The following CCDC93 variants were observed in gnomAD, a reference collection of about 807,000 sequenced individuals.
The protein encoded by CCDC93 is CCC complex scaffolding subunit CCDC93.
A neutral mutation model predicts 108.2 loss-of-function variants in CCDC93; 61 were observed. The observed-to-expected ratio is 0.56, with a 90% CI of 0.46 to 0.70. CCDC93 has a LOEUF of 0.70. Among genes scored for constraint, CCDC93 ranks in the 30% least tolerant of loss-of-function variants. CCDC93 has a pLI of 0.00. For missense variants in CCDC93, 685 were observed against 764.2 expected, an observed-to-expected ratio of 0.90 and a Z score of 1.22; for synonymous variants, 276 against 260.4, an observed-to-expected ratio of 1.06 and a Z score of -0.58.
intron 2 of CCDC93, among the ~76,000 whole-genome samples, chr2:118,007,802 G>A (rs1289543703): frequency 6.6e-6 from 1 of 152,240 alleles, no homozygotes; most frequent in African/African-American, 2.4e-5. Context: ...TTCAATGAGT[G>A]AATCCTGGGT....
intron 12 of CCDC93, 31 bp downstream of exon 12, chr2:117,958,334 T>G: frequency 7.3e-7 from 1 of 1,369,376 alleles, no homozygotes; most frequent in Non-Finnish European, 1.0e-6. Context: ...CATGAAGATC[T>G]TGAATAAACT....
At chr2:117,985,743 A>C (rs1680298035) in intron 7 of CCDC93, among the ~76,000 whole-genome samples, 1 of 152,118 alleles carries the variant, frequency 6.6e-6, no homozygotes, top group South Asian at 2.1e-4. Context: ...GAACACCCCA[A>C]CTCCCAAAGG....
At chr2:117,954,986 A>G (rs1323833053) in intron 12 of CCDC93, among the ~76,000 whole-genome samples, 1 of 152,126 alleles carries the variant, frequency 6.6e-6, no homozygotes, top group Non-Finnish European at 1.5e-5. Flanking sequence ...CTCCCTACCC[A>G]TGCAAAACTG....
intron 23 of CCDC93, among the ~76,000 whole-genome samples, chr2:117,924,872 G>C (rs1678021917): frequency 6.6e-6 from 1 of 152,228 alleles, no homozygotes; most frequent in Admixed American, 6.5e-5. Flanking sequence ...AGGGCAGACA[G>C]AGAGAAAGCT....
intron 23 of CCDC93, among the ~76,000 whole-genome samples, chr2:117,927,874 A>G (rs558676870): frequency 1.9e-3 from 286 of 152,354 alleles, no homozygotes; most frequent in Non-Finnish European, 3.4e-3. Context: ...ACAAGGCTAC[A>G]GTAACCAAAA....
chr2:117,959,344 ACAGT>A (rs1679317978), intron 11 of CCDC93, among the ~76,000 whole-genome samples: 1 of 152,230 alleles, frequency 6.6e-6, no homozygotes, highest in African/African-American at 2.4e-5. Context: ...GTTTTATTAA[ACAGT>A]CAAACACCAA....
At chr2:117,978,961 T>C (rs1281147136) in intron 7 of CCDC93, among the ~76,000 whole-genome samples, 1 of 152,038 alleles carries the variant, frequency 6.6e-6, no homozygotes, top group Non-Finnish European at 1.5e-5. Context: ...TGAGCCGAGA[T>C]CATAGCACTG....
Position 117,958,390 on chromosome 2 carries a change from G to C in CCDC93, c.980C>G (p.Ala327Gly), listed in dbSNP as rs151101188. 3.7e-6 allele frequency: 6 copies of C among 1,610,500 alleles called. No individual in the cohort carries two copies. Among genetic ancestry groups the C allele is most frequent in the Non-Finnish European group, 5.1e-6 (6 of 1,176,730 alleles). The change falls in exon 12 of 24, where the codon GCG becomes GGG. Residue 327 changes from alanine (A) to glycine (G), a missense_variant. Coordinates refer to ENST00000376300, the MANE Select transcript of CCDC93 (RefSeq NM_019044.5). ...CTCTTCAAGATGTTTGGTCTTTTGC[G>C]CAATCTGTTTGTTCAAGGAAATGAC... ...RKVISLNKQIAQKTKHLEELR... is the reference protein window; with the variant it reads ...RKVISLNKQIGQKTKHLEELR...
chr2:117,921,041 G>T (rs912685076), intron 23 of CCDC93, among the ~76,000 whole-genome samples: 16 of 151,944 alleles, frequency 1.1e-4, no homozygotes, highest in Non-Finnish European at 2.1e-4. Context: ...GCCAGGCGTG[G>T]TGGCAGGCGC....
chr2:117,916,273 C>A lies in CCDC93; in HGVS notation c.*4070G>T, dbSNP rs1023732346. 1 of 152,074 alleles carries A rather than the reference C, an allele frequency of 6.6e-6. No individual in the cohort carries two copies. Among genetic ancestry groups the A allele is most frequent in the Non-Finnish European group, 1.5e-5 (1 of 68,024 alleles). 9.4% of individuals were successfully genotyped at this position (152,074 alleles called of 1,614,324 possible). On this transcript the variant is annotated 3_prime_UTR_variant, in exon 24 of 24. Transcript: ENST00000376300. ...TTTAGGTTCATGACACATTTTGAGCCAAAACATACCTTATCTCTAACATTA... is the reference window on the plus strand; with the variant it reads ...TTTAGGTTCATGACACATTTTGAGCAAAAACATACCTTATCTCTAACATTA...
intron 15 of CCDC93, 42 bp downstream of exon 15, chr2:117,948,063 A>G: frequency 6.8e-7 from 1 of 1,465,116 alleles, no homozygotes; most frequent in Non-Finnish European, 9.6e-7. Context: ...AAGAGATTCA[A>G]TAAGCGTCCT....
At chr2:117,964,633 C>G (rs764865152) in intron 11 of CCDC93, among the ~76,000 whole-genome samples, 19 of 151,994 alleles carry the variant, frequency 1.3e-4, no homozygotes, top group Non-Finnish European at 2.5e-4. Flanking sequence ...GGGTCTCACT[C>G]TGTTGCCCAG....
Position 117,936,713 on chromosome 2 carries a change from C to A in CCDC93, c.1632G>T (p.Glu544Asp), listed in dbSNP as rs1372571841. Residue 544 changes from glutamate to aspartate, a missense_variant, in exon 21 of 24, where the codon GAG becomes GAT. By Grantham distance (45) the Glu-to-Asp change is conservative (BLOSUM62 2). Coordinates refer to ENST00000376300, the MANE Select transcript of CCDC93 (RefSeq NM_019044.5). ...KEISLLNSIH[E>D]NFSQAMASPA... Reference sequence around the variant, plus strand: ...CTGACAGTACTTACTGTGAGAAGTTCTCATGAATTGAGTTCAGCAGACTAA... The same window carrying A: ...CTGACAGTACTTACTGTGAGAAGTTATCATGAATTGAGTTCAGCAGACTAA... The A allele has an allele frequency of 6.2e-7, 1 of 1,613,438 alleles. No individual in the cohort carries two copies. The highest frequency in any genetic ancestry group is 1.7e-5 in the Admixed American group (1 of 60,014).
At chr2:117,961,890 T>A (rs1437477379) in intron 11 of CCDC93, among the ~76,000 whole-genome samples, 1 of 152,234 alleles carries the variant, frequency 6.6e-6, no homozygotes, top group Non-Finnish European at 1.5e-5. Flanking sequence ...AAATATTCCA[T>A]TTGTGTTTAC....
chr2:117,969,929 A>G lies in CCDC93; in HGVS notation c.888+3979T>C, dbSNP rs987180053. On this transcript the variant is annotated intron_variant, in intron 11 of 23. Transcript: ENST00000376300. ...TGAACCCTCCTTCAAGTCACCTTAC[A>G]TAAGTCCAAATCCTATACTAAGTCC... is the stretch of plus-strand genomic sequence containing the variant. Among the ~76,000 whole-genome samples the G allele has an allele frequency of 7.9e-5, 12 of 152,120 alleles. 1 individual carries two copies. The highest frequency in any genetic ancestry group is 1.0e-4 in the Non-Finnish European group (7 of 68,010).
At chr2:117,926,258 T>A (rs1274437540) in intron 23 of CCDC93, among the ~76,000 whole-genome samples, 2 of 151,772 alleles carry the variant, frequency 1.3e-5, no homozygotes, top group African/African-American at 4.8e-5. Context: ...AGGCAAGAAA[T>A]AACTAAGATC....
intron 13 of CCDC93, chr2:117,950,636 A>G (rs1192946636): frequency 5.1e-6 from 5 of 985,448 alleles, no homozygotes; most frequent in Non-Finnish European, 6.0e-6. Flanking sequence ...AAGGGTTCAG[A>G]GCGCTCATTC....
chr2:117,961,989 G>C (rs1191745258), intron 11 of CCDC93, among the ~76,000 whole-genome samples: 2 of 152,180 alleles, frequency 1.3e-5, no homozygotes, highest in East Asian at 3.9e-4. Context: ...GGATTAAGAT[G>C]ACTTCTAGTG....
At position 117,919,641 on chromosome 2, in the gene CCDC93, G is replaced by A. The variant is rs1677796406; in HGVS notation, c.*702C>T. On this transcript the variant is annotated 3_prime_UTR_variant, in exon 24 of 24. Transcript: ENST00000376300. ...TTGACGTGTCCTCAGCACAAGGTCT[G>A]TTTTCAATTTTCTGAGAAATCAACT... 1 of 152,184 alleles carries A rather than the reference G, an allele frequency of 6.6e-6. No individual in the cohort carries two copies. Among genetic ancestry groups the A allele is most frequent in the African/African-American group, 2.4e-5 (1 of 41,438 alleles). The allele number at this position is 152,184 out of a possible 1,614,324, so 9.4% of individuals were successfully genotyped here. A position where few individuals can be genotyped will look rare whatever the true frequency, so the allele number is the denominator to read the frequency against.
Sources: allele counts gnomAD v4.1 joint callset (sites outside exome capture counted in the v4.1 genomes callset), GRCh38; gene constraint gnomAD v4.1.1; transcripts MANE v1.5; gene names NCBI Gene and HGNC (gene_info 2026-07-23, HGNC 2026-07-21).